Variants in EPHA3 observed in about 807,000 individuals in gnomAD.
EPHA3 encodes EPH receptor A3, also known as ephrin type-A receptor 3.
Under a neutral mutation model 107.1 loss-of-function variants are expected in EPHA3, and 42 were observed. The ratio of observed to expected loss-of-function variants is 0.39; its 90% CI spans 0.31 to 0.51. The LOEUF (loss-of-function observed/expected upper bound fraction) is 0.51, where lower values mean the gene tolerates loss of function less well. Ranked by LOEUF, EPHA3 falls within the 20% of genes least tolerant of loss-of-function variation. The pLI is 0.78. For missense variants in EPHA3, 1,183 were observed against 1,211.2 expected, an observed-to-expected ratio of 0.98 and a Z score of 0.35; for synonymous variants, 461 against 424.8, an observed-to-expected ratio of 1.09 and a Z score of -1.05.
intron 3 of EPHA3, among the ~76,000 whole-genome samples, chr3:89,274,743 G>T (rs1447367314): frequency 6.6e-6 from 1 of 151,934 alleles, no homozygotes; most frequent in African/African-American, 2.4e-5. Flanking sequence ...TTGGAGAATG[G>T]ACAGCGATTT....
At chr3:89,277,276 G>T (rs189260111) in intron 3 of EPHA3, among the ~76,000 whole-genome samples, 3 of 152,010 alleles carry the variant, frequency 2.0e-5, no homozygotes, top group African/African-American at 4.8e-5. Context: ...AGAAATATAC[G>T]TTTAAAGAAG....
chr3:89,379,708 A>T (rs1489128544), intron 5 of EPHA3, among the ~76,000 whole-genome samples: 11 of 152,228 alleles, frequency 7.2e-5, no homozygotes, highest in Non-Finnish European at 1.5e-5. Context: ...GGCTTCTCAG[A>T]AAGATTTCAT....
At chr3:89,341,155 A>T (rs1707512383) in intron 4 of EPHA3, 84 bp downstream of exon 4, 6 of 1,405,128 alleles carry the variant, frequency 4.3e-6, no homozygotes, top group Middle Eastern at 1.9e-4. Context: ...GTTTTAAAGC[A>T]TTTGGCCCAT....
At chr3:89,111,508 T>TCCCC (rs143096995) in intron 1 of EPHA3, among the ~76,000 whole-genome samples, 3 of 128,932 alleles carry the variant, frequency 2.3e-5, no homozygotes, top group Admixed American at 8.6e-5. Flanking sequence ...CACCCCTACA[T>TCCCC]CCCCCCCCCA....
chr3:89,129,347 A>G (rs1477156948), intron 2 of EPHA3, among the ~76,000 whole-genome samples: 1 of 152,178 alleles, frequency 6.6e-6, no homozygotes, highest in Non-Finnish European at 1.5e-5. Flanking sequence ...GATGCATAAA[A>G]TAGCCTAAAA....
intron 2 of EPHA3, among the ~76,000 whole-genome samples, chr3:89,202,361 T>A (rs1245141061): frequency 6.6e-6 from 1 of 150,532 alleles, no homozygotes; most frequent in Admixed American, 6.6e-5. Flanking sequence ...AATAAATAAA[T>A]AAAAAGTAGC....
rs1707970901 is a variant in EPHA3 at position 89,356,907 on chromosome 3, A to G, written c.1306+14817A>G. On this transcript the variant is annotated intron_variant, in intron 5 of 16. Coordinates refer to ENST00000336596, the MANE Select transcript of EPHA3 (RefSeq NM_005233.6). Reference sequence around the variant, plus strand: ...ATCAGGAAGTCAGGAGATCAAAACCATCATGGGAAACATGGTGAAACCCTG... The same window carrying G: ...ATCAGGAAGTCAGGAGATCAAAACCGTCATGGGAAACATGGTGAAACCCTG... 4.0e-5 allele frequency among the ~76,000 whole-genome samples: 6 copies of G among 150,164 alleles called. No individual in the cohort carries two copies. The South Asian group carries it at 8.4e-4, about 21-fold the overall frequency.
At chr3:89,399,832 A>G (rs1252492402) in intron 7 of EPHA3, 63 of 1,091,082 alleles carry the variant, frequency 5.8e-5, no homozygotes, top group Non-Finnish European at 6.6e-5. Context: ...GCGTGATTCA[A>G]TGAACCACAA....
At chr3:89,178,105 T>C (rs1705358223) in intron 2 of EPHA3, among the ~76,000 whole-genome samples, 1 of 152,170 alleles carries the variant, frequency 6.6e-6, no homozygotes, top group Non-Finnish European at 1.5e-5. Flanking sequence ...ATCTTCTTTG[T>C]GGATAGTCTT....
intron 3 of EPHA3, among the ~76,000 whole-genome samples, chr3:89,229,871 G>A (rs1415436133): frequency 6.6e-6 from 1 of 151,972 alleles, no homozygotes; most frequent in Non-Finnish European, 1.5e-5. Context: ...GAGTTACAAA[G>A]CCTTGGAGTA....
Position 89,306,315 on chromosome 3 carries a change from G to A in EPHA3, c.815-34601G>A, listed in dbSNP as rs954966. 7.9e-5 allele frequency among the ~76,000 whole-genome samples: 12 copies of A among 152,020 alleles called. No homozygotes were observed. The South Asian group carries it at 1.2e-3, about 16-fold the overall frequency. On this transcript the variant is annotated intron_variant, in intron 3 of 16. Transcript: ENST00000336596. ...TGAAGCCCATGTTCTTAATTACTAC[G>A]CCCATTTTTATTTCATCTTAGAGCA...
At chr3:89,402,791 G>T (rs1211030369) in intron 7 of EPHA3, among the ~76,000 whole-genome samples, 2 of 152,118 alleles carry the variant, frequency 1.3e-5, no homozygotes, top group Non-Finnish European at 2.9e-5. Flanking sequence ...CGCCTCCTGG[G>T]TTCAAGCGAT....
At chr3:89,369,690 A>G (rs1708253999) in intron 5 of EPHA3, among the ~76,000 whole-genome samples, 1 of 148,406 alleles carries the variant, frequency 6.7e-6, no homozygotes, top group Non-Finnish European at 1.5e-5. Flanking sequence ...TCTGCACAGC[A>G]AAAGAAACTA....
intron 2 of EPHA3, among the ~76,000 whole-genome samples, chr3:89,176,788 G>T (rs1705328612): frequency 1.3e-5 from 2 of 151,968 alleles, no homozygotes; most frequent in South Asian, 4.1e-4. Context: ...AAACCACTTG[G>T]AATTTATCTG....
chr3:89,284,134 A>T (rs1291908886), intron 3 of EPHA3, among the ~76,000 whole-genome samples: 1 of 152,158 alleles, frequency 6.6e-6, no homozygotes, highest in African/African-American at 2.4e-5. Flanking sequence ...TCTAAAGCCC[A>T]CATTTGTTGT....
chr3:89,159,852 A>G (rs1704891324), intron 2 of EPHA3, among the ~76,000 whole-genome samples: 1 of 152,064 alleles, frequency 6.6e-6, no homozygotes, highest in African/African-American at 2.4e-5. Flanking sequence ...TATAAAGGAG[A>G]TTAATTAAGA....
chr3:89,140,296 A>G (rs1704404667), intron 2 of EPHA3, among the ~76,000 whole-genome samples: 1 of 151,880 alleles, frequency 6.6e-6, no homozygotes, highest in Non-Finnish European at 1.5e-5. Context: ...ATTTTTGAAG[A>G]TCTTTTAAAA....
chr3:89,265,961 T>C (rs1442980074), intron 3 of EPHA3, among the ~76,000 whole-genome samples: 1 of 152,116 alleles, frequency 6.6e-6, no homozygotes, highest in Non-Finnish European at 1.5e-5. Flanking sequence ...TAGGATTTGA[T>C]TGAAAATTTG....
At chr3:89,427,743 T>A (rs2107533530) in intron 11 of EPHA3, among the ~76,000 whole-genome samples, 1 of 152,000 alleles carries the variant, frequency 6.6e-6, no homozygotes, top group South Asian at 2.1e-4. Flanking sequence ...GTTTTCTGGG[T>A]AGGAATCAGT....
Sources: allele counts gnomAD v4.1 joint callset (sites outside exome capture counted in the v4.1 genomes callset), GRCh38; gene constraint gnomAD v4.1.1; transcripts MANE v1.5; gene names NCBI Gene and HGNC (gene_info 2026-07-23, HGNC 2026-07-21).